The following LEPROTL1 variants were observed in gnomAD, a reference collection of about 807,000 sequenced individuals.
LEPROTL1 encodes leptin receptor overlapping transcript-like 1.
Under a neutral mutation model 15.4 loss-of-function variants are expected in LEPROTL1, and 6 were observed. The observed-to-expected ratio is 0.39, with a 90% confidence interval of 0.21 to 0.77. LEPROTL1 has a LOEUF of 0.77. Among genes scored for constraint, LEPROTL1 ranks in the 30% least tolerant of loss-of-function variants. The pLI is 0.41. For synonymous variants in LEPROTL1, 56 were observed against 52.6 expected, an observed-to-expected ratio of 1.06 and a Z score of -0.28; for missense variants, 128 against 158.1, an observed-to-expected ratio of 0.81 and a Z score of 1.02.
intron 3 of LEPROTL1, among the ~76,000 whole-genome samples, chr8:30,126,867 A>G (rs1802913191): frequency 6.6e-6 from 1 of 152,146 alleles, no homozygotes; most frequent in African/African-American, 2.4e-5. Context: ...GCAAATCCCC[A>G]TCTGTACTAA....
Position 30,106,360 on chromosome 8 carries a change from G to GAC in LEPROTL1, c.*499_*500dup, listed in dbSNP as rs986993663. ...ACTCCCAATGTTATGCAGACATACAGACGGTTGGCATACGTTATAGACTGT... is the reference window on the plus strand; with the variant it reads ...ACTCCCAATGTTATGCAGACATACAGACACGGTTGGCATACGTTATAGACTGT... On this transcript the variant is annotated 3_prime_UTR_variant, in exon 4 of 4. Coordinates refer to ENST00000321250, the MANE Select transcript of LEPROTL1 (RefSeq NM_015344.3). 9.1e-6 allele frequency: 9 copies of GAC among 986,214 alleles called. No homozygotes were observed. The highest frequency in any genetic ancestry group is 1.7e-5 in the African/African-American group (1 of 57,210). 61.1% of individuals were successfully genotyped at this position (986,214 alleles called of 1,614,324 possible). A position where few individuals can be genotyped will look rare whatever the true frequency, so the allele number is the denominator to read the frequency against.
rs538616586 is a variant in LEPROTL1 at position 30,132,674 on chromosome 8, A to C, written c.394+185A>C. 1,155 of 1,551,664 alleles carry C rather than the reference A, an allele frequency of 7.4e-4. 24 individuals carry two copies. In the South Asian group the frequency reaches 0.012, roughly 16 times the overall value. ...GAGTGTCTGGGATGCAAAGCACTGG[A>C]CCCTTGAACACGAGCCTGAAATCGC... On this transcript the variant is annotated intron_variant, in intron 4 of 4. Coordinates refer to the LEPROTL1 transcript ENST00000442880.
At chr8:30,132,806 A>T in intron 4 of LEPROTL1, 1 of 1,551,770 alleles carries the variant, frequency 6.4e-7, no homozygotes. Flanking sequence ...CTGCTCCTGA[A>T]GCCTCCAGAT....
chr8:30,133,562 G>A (rs893883541), intron 4 of LEPROTL1, among the ~76,000 whole-genome samples: 2 of 152,092 alleles, frequency 1.3e-5, no homozygotes, highest in African/African-American at 2.4e-5. Context: ...ATTTGCCTGG[G>A]AAATTTTACT....
intron 4 of LEPROTL1, chr8:30,132,878 G>C (rs1307250042): frequency 6.5e-7 from 1 of 1,532,832 alleles, no homozygotes; most frequent in East Asian, 2.5e-5. Context: ...TGGGTCAAGA[G>C]CATGAGAGAA....
At chr8:30,129,097 C>G (rs1445731543) in intron 3 of LEPROTL1, among the ~76,000 whole-genome samples, 2 of 152,052 alleles carry the variant, frequency 1.3e-5, no homozygotes, top group African/African-American at 4.8e-5. Flanking sequence ...GATGGCATCT[C>G]CCTATGTTGC....
intron 4 of LEPROTL1, among the ~76,000 whole-genome samples, chr8:30,135,717 C>T (rs1803125067): frequency 6.6e-6 from 1 of 151,866 alleles, no homozygotes; most frequent in African/African-American, 2.4e-5. Context: ...AGTTTGAGAC[C>T]AGCCTGGGCA....
At chr8:30,125,767 C>T (rs959215071) in intron 3 of LEPROTL1, among the ~76,000 whole-genome samples, 8 of 152,154 alleles carry the variant, frequency 5.3e-5, no homozygotes, top group Admixed American at 2.0e-4. Context: ...ACTCCTGCCT[C>T]CAGGAGAGGG....
At chr8:30,137,402 A>G (rs748406349) in exon 5 of LEPROTL1, 96 of 1,551,572 alleles carry the variant, frequency 6.2e-5, no homozygotes, top group Non-Finnish European at 8.1e-5. Context: ...GTGTCCACTC[A>G]ACCCGTGCTG....
chr8:30,099,703 A>G (rs1802432305), intron 1 of LEPROTL1, among the ~76,000 whole-genome samples: 1 of 151,110 alleles, frequency 6.6e-6, no homozygotes, highest in African/African-American at 2.4e-5. Flanking sequence ...AGTAGAGAGG[A>G]GTGGGAAAGG....
At chr8:30,121,198 G>T (rs1211674601) in intron 3 of LEPROTL1, among the ~76,000 whole-genome samples, 4 of 151,956 alleles carry the variant, frequency 2.6e-5, no homozygotes, top group Non-Finnish European at 5.9e-5. Flanking sequence ...TCTACATATT[G>T]TGTTTTGTGT....
chr8:30,121,352 A>G (rs1374084957), intron 3 of LEPROTL1, among the ~76,000 whole-genome samples: 1 of 151,878 alleles, frequency 6.6e-6, no homozygotes, highest in East Asian at 1.9e-4. Context: ...TCCTGGGTTC[A>G]AGTGATTCTC....
intron 3 of LEPROTL1, among the ~76,000 whole-genome samples, chr8:30,123,393 C>T (rs1802859701): frequency 6.6e-6 from 1 of 152,096 alleles, no homozygotes; most frequent in African/African-American, 2.4e-5. Flanking sequence ...TTATGGTGTC[C>T]ATCTTTGGAA....
At chr8:30,100,799 C>A (rs376901429) in intron 1 of LEPROTL1, among the ~76,000 whole-genome samples, 8 of 152,278 alleles carry the variant, frequency 5.3e-5, no homozygotes, top group African/African-American at 1.9e-4. Flanking sequence ...TATGCCTATT[C>A]AAGAAAGTTG....
intron 3 of LEPROTL1, among the ~76,000 whole-genome samples, chr8:30,123,922 G>A (rs1034447135): frequency 9.9e-5 from 15 of 151,710 alleles, no homozygotes; most frequent in African/African-American, 3.4e-4. Flanking sequence ...CAGAGACCTG[G>A]GTAAGAACAT....
intron 1 of LEPROTL1, among the ~76,000 whole-genome samples, chr8:30,097,948 A>T (rs1487525145): frequency 6.6e-6 from 1 of 150,904 alleles, no homozygotes. Context: ...GAGTGTAATC[A>T]AAGAATTTAG....
downstream of LEPROTL1, among the ~76,000 whole-genome samples, chr8:30,113,107 CA>C (rs578198019): frequency 0.22 from 20,620 of 95,330 alleles, 1,967 homozygotes; most frequent in East Asian, 0.41. Context: ...CCCGTCTCTC[CA>C]AAAAAAAAAA....
At position 30,104,504 on chromosome 8, in the gene LEPROTL1, TC is replaced by T; in HGVS notation, c.279+20del. On this transcript the variant is annotated intron_variant, in intron 3 of 3. Transcript: ENST00000321250. ...CACATCTGGTAAGTGAATATATTCT[TC>T]CATTAATGATTTTATATTGAACATG... 1 of 1,515,458 alleles carries T rather than the reference TC, an allele frequency of 6.6e-7. No individual in the cohort carries two copies. Among genetic ancestry groups the T allele is most frequent in the Non-Finnish European group, 8.9e-7 (1 of 1,122,876 alleles). The allele number at this position is 1,515,458 out of a possible 1,614,324, so 93.9% of individuals were successfully genotyped here. A position where few individuals can be genotyped will look rare whatever the true frequency, so the allele number is the denominator to read the frequency against.
intron 3 of LEPROTL1, chr8:30,132,215 A>G (rs1483908746): frequency 1.3e-6 from 2 of 1,551,856 alleles, no homozygotes; most frequent in Non-Finnish European, 8.7e-7. Context: ...ACGAAACCAA[A>G]CACCTGTCCT....
Sources: allele counts gnomAD v4.1 joint callset (sites outside exome capture counted in the v4.1 genomes callset), GRCh38; gene constraint gnomAD v4.1.1; transcripts MANE v1.5; gene names NCBI Gene and HGNC (gene_info 2026-07-23, HGNC 2026-07-21).